The following SLC9A2 variants were observed in gnomAD, a reference collection of about 807,000 sequenced individuals.
SLC9A2 encodes solute carrier family 9 member A2.
SLC9A2 carries 42 observed loss-of-function variants against 71.7 expected under a neutral mutation model. The ratio of observed to expected loss-of-function variants is 0.59; its 90% CI spans 0.46 to 0.76. SLC9A2 has a LOEUF of 0.76. Ranked by LOEUF, SLC9A2 falls within the 30% of genes least tolerant of loss-of-function variation. The pLI, the probability that SLC9A2 is intolerant of heterozygous loss-of-function variation, is 0.00. For missense variants in SLC9A2, 829 were observed against 1,017.4 expected (o/e 0.81, Z 2.52); for synonymous variants, 396 against 392.5 (o/e 1.01, Z -0.10).
At chr2:102,639,823 C>T (rs376019745) in intron 1 of SLC9A2, among the ~76,000 whole-genome samples, 9 of 152,068 alleles carry the variant, frequency 5.9e-5, no homozygotes, top group African/African-American at 2.2e-4. Flanking sequence ...CTATGTCTGG[C>T]AAAAGTGAAC....
intron 6 of SLC9A2, 61 bp downstream of exon 6, chr2:102,694,564 A>G (rs1400034520): frequency 5.3e-6 from 4 of 759,800 alleles, no homozygotes; most frequent in South Asian, 2.7e-5. Context: ...AATCAGTCAA[A>G]CAGCTTGGTA....
In SLC9A2 at chr2:102,657,559, A is replaced by C; in HGVS notation, c.290-5A>C. ...AGTTGTGTGTTTTTATTTTTTCCTT[A>C]CCAGGCTTCCATCTGTATCACAAGT... On this transcript the variant is annotated splice_region_variant and splice_polypyrimidine_tract_variant and intron_variant, in intron 1 of 11. Transcript: ENST00000233969. The C allele has an allele frequency of 1.3e-6, 2 of 1,577,392 alleles. No individual in the cohort carries two copies. The highest frequency in any genetic ancestry group is 1.7e-6 in the Non-Finnish European group (2 of 1,162,358).
chr2:102,641,907 G>T (rs1676589391), intron 1 of SLC9A2, among the ~76,000 whole-genome samples: 1 of 151,030 alleles, frequency 6.6e-6, no homozygotes, highest in Non-Finnish European at 1.5e-5. Context: ...GGGGGGTGGG[G>T]GGCTGGGGGA....
At chr2:102,707,185 G>A (rs1428045227) in intron 11 of SLC9A2, among the ~76,000 whole-genome samples, 1 of 151,762 alleles carries the variant, frequency 6.6e-6, no homozygotes, top group Non-Finnish European at 1.5e-5. Flanking sequence ...ATTATTACAA[G>A]CCCAAACATT....
intron 1 of SLC9A2, among the ~76,000 whole-genome samples, chr2:102,632,131 T>C (rs12613606): frequency 0.023 from 1,078 of 47,544 alleles, 17 homozygotes; most frequent in African/African-American, 0.052. Flanking sequence ...CATATATACA[T>C]ATATATGTAT....
chr2:102,669,405 T>A (rs534916960), intron 3 of SLC9A2, among the ~76,000 whole-genome samples: 106 of 152,352 alleles, frequency 7.0e-4, no homozygotes, highest in African/African-American at 2.5e-3. Flanking sequence ...CTCATTTCTA[T>A]ACTGGAATAA....
intron 11 of SLC9A2, among the ~76,000 whole-genome samples, chr2:102,707,854 A>G (rs1678010985): frequency 6.6e-6 from 1 of 152,220 alleles, no homozygotes; most frequent in African/African-American, 2.4e-5. Context: ...AAATGGGCTA[A>G]TGCATTTGAA....
chr2:102,709,868 T>G lies in SLC9A2; in HGVS notation c.*1379T>G, dbSNP rs918404699. 1.3e-5 allele frequency: 2 copies of G among 152,304 alleles called. No homozygotes were observed. The highest frequency in any genetic ancestry group is 4.8e-5 in the African/African-American group (2 of 41,408). 9.4% of individuals were successfully genotyped at this position (152,304 alleles called of 1,614,324 possible). Reference sequence around the variant, plus strand: ...CCTCTGCATTTCTGAGTGTAGAAATTAAATGAAGCCACTCACAGTCCTTTG... The same window carrying G: ...CCTCTGCATTTCTGAGTGTAGAAATGAAATGAAGCCACTCACAGTCCTTTG... On this transcript the variant is annotated 3_prime_UTR_variant, in exon 12 of 12. Coordinates refer to ENST00000233969, the MANE Select transcript of SLC9A2 (RefSeq NM_003048.6).
At chr2:102,624,392 G>A (rs1199019916) in intron 1 of SLC9A2, among the ~76,000 whole-genome samples, 1 of 152,212 alleles carries the variant, frequency 6.6e-6, no homozygotes, top group Non-Finnish European at 1.5e-5. Context: ...AGAGAGATGG[G>A]GTTCTACGAC....
Position 102,710,151 on chromosome 2 carries a change from A to G in SLC9A2, c.*1662A>G, listed in dbSNP as rs1678077178. 6.5e-6 allele frequency: 1 copy of G among 152,786 alleles called. No individual in the cohort carries two copies. Among genetic ancestry groups the G allele is most frequent in the African/African-American group, 2.4e-5 (1 of 41,464 alleles). 9.5% of individuals were successfully genotyped at this position (152,786 alleles called of 1,614,324 possible). On this transcript the variant is annotated 3_prime_UTR_variant, in exon 12 of 12. Transcript: ENST00000233969. Reference sequence around the variant, plus strand: ...AGGAGCACAATTCCTTGATTCAGGGAAAGTAGCACAGAATGCAATTTGAAA... The same window carrying G: ...AGGAGCACAATTCCTTGATTCAGGGGAAGTAGCACAGAATGCAATTTGAAA...
At chr2:102,635,356 C>A (rs1483366638) in intron 1 of SLC9A2, among the ~76,000 whole-genome samples, 1 of 152,198 alleles carries the variant, frequency 6.6e-6, no homozygotes, top group African/African-American at 2.4e-5. Flanking sequence ...TGGCAGCATT[C>A]TTTGTGTGTT....
chr2:102,674,461 T>C (rs1677313644), intron 3 of SLC9A2, among the ~76,000 whole-genome samples: 1 of 152,200 alleles, frequency 6.6e-6, no homozygotes, highest in Non-Finnish European at 1.5e-5. Context: ...ATTTCTCTTA[T>C]GTACTCACTC....
chr2:102,655,878 G>A (rs1676929771), intron 1 of SLC9A2, among the ~76,000 whole-genome samples: 1 of 152,206 alleles, frequency 6.6e-6, no homozygotes, highest in South Asian at 2.1e-4. Flanking sequence ...CATGGCAGAA[G>A]GCAGAGGGCA....
chr2:102,689,725 A>G (rs769776376), intron 5 of SLC9A2: 4 of 152,186 alleles, frequency 2.6e-5, no homozygotes, highest in Non-Finnish European at 4.4e-5. Flanking sequence ...AAAGTTTAGG[A>G]TATGAGAAGA....
At chr2:102,638,811 G>C (rs1676518416) in intron 1 of SLC9A2, among the ~76,000 whole-genome samples, 1 of 152,182 alleles carries the variant, frequency 6.6e-6, no homozygotes, top group Admixed American at 6.5e-5. Context: ...ATATCTGTGA[G>C]TAAAATCAAA....
chr2:102,667,345 G>A (rs1295153831), intron 3 of SLC9A2, among the ~76,000 whole-genome samples: 3 of 152,172 alleles, frequency 2.0e-5, no homozygotes, highest in Non-Finnish European at 4.4e-5. Flanking sequence ...TTTAGCAAGA[G>A]TCAGGGTATG....
At chr2:102,642,197 C>G (rs555344598) in intron 1 of SLC9A2, among the ~76,000 whole-genome samples, 25 of 152,278 alleles carry the variant, frequency 1.6e-4, no homozygotes, top group African/African-American at 6.0e-4. Flanking sequence ...GATTTACAGG[C>G]TGTGCAAGCA....
chr2:102,668,057 G>C (rs1282309024), intron 3 of SLC9A2, among the ~76,000 whole-genome samples: 1 of 151,940 alleles, frequency 6.6e-6, no homozygotes, highest in Non-Finnish European at 1.5e-5. Context: ...CCAGACAACA[G>C]ATTGAGACTC....
chr2:102,691,361 GT>G (rs1677658503), intron 5 of SLC9A2, among the ~76,000 whole-genome samples: 1 of 152,142 alleles, frequency 6.6e-6, no homozygotes, highest in Non-Finnish European at 1.5e-5. Flanking sequence ...TACTCCCTGG[GT>G]GATCTAAATT....
Sources: gnomAD v4.1 joint callset for allele counts (sites outside exome capture counted in the v4.1 genomes callset) on GRCh38, gnomAD v4.1.1 for gene constraint, MANE v1.5 for transcripts, NCBI Gene and HGNC (gene_info 2026-07-23, HGNC 2026-07-21) for gene names.